Variants in ADPRHL1 observed in about 807,000 individuals in gnomAD.
The protein encoded by ADPRHL1 is inactive ADP-ribosyltransferase ARH2.
In ADPRHL1, 43 loss-of-function variants were observed where a neutral mutation model predicts 44.1. The observed-to-expected ratio is 0.98, with a 90% CI of 0.76 to 1.26. ADPRHL1 has a LOEUF of 1.26. Among genes scored for constraint, ADPRHL1 ranks in the 50% most tolerant of loss-of-function variants. The pLI is 0.00. For synonymous variants in ADPRHL1, 878 were observed against 1,017.4 expected, an observed-to-expected ratio of 0.86 and a Z score of 2.61; for missense variants, 2,022 against 2,496.9, an observed-to-expected ratio of 0.81 and a Z score of 4.05.
chr13:113,404,741 A>G lies in ADPRHL1; in HGVS notation c.4541T>C (p.Ile1514Thr). ...AQEQAQWQTQ[I>T]EAQGQAQEQA... ...TTCCTGTGCCTGCCCCTGGGCCTCTATCTGGGTCTGCCACTGGGCCTGTTC... is the reference window on the plus strand; with the variant it reads ...TTCCTGTGCCTGCCCCTGGGCCTCTGTCTGGGTCTGCCACTGGGCCTGTTC... Residue 1514 changes from isoleucine to threonine, a missense_variant, in exon 8 of 8, where the codon ATA (isoleucine) becomes ACA (threonine). By Grantham distance (89) the Ile-to-Thr change is moderately conservative. Around this residue, in one of 8 missense-constraint regions of ADPRHL1, gnomAD observed 1,221 missense variants for 1,517.8 expected, o/e 0.80. Transcript: ENST00000612156. The G allele has an allele frequency of 7.9e-7, 1 of 1,272,436 alleles. No individual in the cohort carries two copies. Among genetic ancestry groups the G allele is most frequent in the Non-Finnish European group, 9.9e-7 (1 of 1,014,670 alleles). The allele number at this position is 1,272,436 out of a possible 1,614,324, so 78.8% of individuals were successfully genotyped here.
intron 7 of ADPRHL1, among the ~76,000 whole-genome samples, chr13:113,416,882 T>C (rs1199648571): frequency 6.6e-6 from 1 of 152,180 alleles, no homozygotes; most frequent in Non-Finnish European, 1.5e-5. Context: ...CAGAAACAAT[T>C]GTGTGTGCGT....
rs2043814050 is a variant in ADPRHL1 at position 113,407,024 on chromosome 13, C to T, written c.2258G>A (p.Gly753Glu). The T allele has an allele frequency of 1.6e-6, 2 of 1,232,302 alleles. No homozygotes were observed. The highest frequency in any genetic ancestry group is 4.2e-5 in the Admixed American group (1 of 23,732). 76.3% of individuals were successfully genotyped at this position (1,232,302 alleles called of 1,614,324 possible). A position where few individuals can be genotyped will look rare whatever the true frequency, so the allele number is the denominator to read the frequency against. The change falls in exon 8 of 8, where the codon GGA becomes GAA. Residue 753 changes from glycine (G) to glutamate (E), a missense_variant. Physicochemically the swap from Gly to Glu is moderately conservative, Grantham distance 98. Transcript: ENST00000612156. ...GGCTCCCCTCACCTCCTGGACGCCT[C>T]CTGCGGTGCTCTCTGCGGTGGGGTC... ...TADPTAESTA[G>E]GVQEVRGARL...
At chr13:113,451,883 G>C (rs527894135) in intron 1 of ADPRHL1, among the ~76,000 whole-genome samples, 1 of 152,306 alleles carries the variant, frequency 6.6e-6, no homozygotes, top group East Asian at 1.9e-4. Context: ...CTGTTGGGCC[G>C]ATCTCCGTCG....
chr13:113,420,152 G>A (rs1479899864), intron 7 of ADPRHL1, among the ~76,000 whole-genome samples: 1 of 152,148 alleles, frequency 6.6e-6, no homozygotes. Context: ...AAACCTGCCG[G>A]TGCCGTTTTA....
chr13:113,429,771 C>T (rs2043994348), intron 3 of ADPRHL1, among the ~76,000 whole-genome samples: 2 of 152,212 alleles, frequency 1.3e-5, no homozygotes, highest in African/African-American at 4.8e-5. Flanking sequence ...GACTCACTCG[C>T]CCTGCTGGTG....
intron 7 of ADPRHL1, among the ~76,000 whole-genome samples, chr13:113,418,121 G>A (rs1169371576): frequency 1.3e-5 from 2 of 152,134 alleles, no homozygotes; most frequent in Admixed American, 6.6e-5. Context: ...TTTCGGATGC[G>A]TCGGGTTTAA....
At chr13:113,446,143 C>G (rs1372467874) in intron 1 of ADPRHL1, among the ~76,000 whole-genome samples, 4 of 141,986 alleles carry the variant, frequency 2.8e-5, no homozygotes, top group Non-Finnish European at 6.2e-5. Context: ...CCCCCTCCCC[C>G]CCAGAGAGCA....
intron 2 of ADPRHL1, among the ~76,000 whole-genome samples, chr13:113,435,204 CATAGGTGT>C: frequency 1.0e-4 from 2 of 19,286 alleles, no homozygotes; most frequent in South Asian, 4.6e-3. Context: ...GTAGAGTGAA[CATAGGTGT>C]ACCCCGGGAC....
At chr13:113,413,816 A>C (rs111782175) in intron 7 of ADPRHL1, among the ~76,000 whole-genome samples, 6 of 152,308 alleles carry the variant, frequency 3.9e-5, no homozygotes, top group African/African-American at 1.4e-4. Context: ...CAGAACCCAC[A>C]GGGAATGGAA....
intron 1 of ADPRHL1, among the ~76,000 whole-genome samples, chr13:113,447,136 AGTTGTATGTGCATGGCGTCTACACTCAC>A (rs1181756068): frequency 8.2e-6 from 1 of 122,178 alleles, no homozygotes; most frequent in African/African-American, 3.2e-5. Flanking sequence ...TCTACATGCA[AGTTGTATGTGCATGGCGTCTACACTCAC>A]GGTGTTGTGT....
At chr13:113,410,468 A>T (rs1420692079) in intron 7 of ADPRHL1, among the ~76,000 whole-genome samples, 1 of 152,212 alleles carries the variant, frequency 6.6e-6, no homozygotes, top group Non-Finnish European at 1.5e-5. Context: ...CCTGCCAAGG[A>T]TGAGACATTT....
chr13:113,452,907 A>G (rs1210963354), intron 1 of ADPRHL1, among the ~76,000 whole-genome samples: 2 of 152,210 alleles, frequency 1.3e-5, no homozygotes, highest in African/African-American at 4.8e-5. Context: ...CTTTAACTCT[A>G]TTAGAAACAG....
At chr13:113,437,317 C>A (rs1306599762) in intron 2 of ADPRHL1, among the ~76,000 whole-genome samples, 1 of 151,156 alleles carries the variant, frequency 6.6e-6, no homozygotes, top group East Asian at 2.0e-4. Flanking sequence ...AGGTGTACCC[C>A]ATGACCCAGC....
Position 113,411,527 on chromosome 13 carries a change from G to A in ADPRHL1, c.1062-3307C>T, listed in dbSNP as rs117237988. Among the ~76,000 whole-genome samples the A allele has an allele frequency of 2.2e-3, 336 of 152,348 alleles. 7 individuals carry two copies. The East Asian group carries it at 0.055, about 25-fold the overall frequency. On this transcript the variant is annotated intron_variant, in intron 7 of 7. Transcript: ENST00000612156. ...CATCAAGACCTGGCCAGCAACCAGC[G>A]GTGAGCGTGGAGGACGTACTTGGCC...
chr13:113,424,387 T>C lies in ADPRHL1; in HGVS notation c.775-38A>G, dbSNP rs150141456. On this transcript the variant is annotated intron_variant, in intron 5 of 7. Coordinates refer to ENST00000612156, the MANE Select transcript of ADPRHL1 (RefSeq NM_001394807.1). ...CCGTGGGTCGGGGCGTGTGCCCAAG[T>C]GGAGCCACTTCTGGGTATATTACAG... 2.5e-6 allele frequency: 4 copies of C among 1,611,708 alleles called. No individual in the cohort carries two copies. In the East Asian group the frequency reaches 8.9e-5, roughly 36 times the overall value.
intron 2 of ADPRHL1, among the ~76,000 whole-genome samples, chr13:113,442,573 T>A (rs2044106680): frequency 6.6e-6 from 1 of 152,252 alleles, no homozygotes. Context: ...CTGTCATTGT[T>A]ACTGTTGCTT....
rs867179613 is a variant in ADPRHL1, at chr13:113,409,854, A to G, written c.1062-1634T>C. ...CAGTGAGCCGAGATCGCACCACTGC[A>G]CTCCAGCCTGAGCGACAGAGCGAGA... On this transcript the variant is annotated intron_variant, in intron 7 of 7. Coordinates refer to ENST00000612156, the MANE Select transcript of ADPRHL1 (RefSeq NM_001394807.1). The surrounding 1 kb of genome is among the most constrained non-coding windows in gnomAD (Gnocchi z 4.2). The G allele has an allele frequency of 3.1e-5, 27 of 879,290 alleles. No homozygotes were observed. Among genetic ancestry groups the G allele is most frequent in the Middle Eastern group, 6.0e-4 (1 of 1,668 alleles). 54.5% of individuals were successfully genotyped at this position (879,290 alleles called of 1,614,324 possible).
Position 113,407,880 on chromosome 13 carries a change from C to T in ADPRHL1, c.1402G>A (p.Gly468Ser). 1 of 1,231,950 alleles carries T rather than the reference C, an allele frequency of 8.1e-7. No individual in the cohort carries two copies. The highest frequency in any genetic ancestry group is 1.0e-6 in the Non-Finnish European group (1 of 987,986). The allele number at this position is 1,231,950 out of a possible 1,614,324, so 76.3% of individuals were successfully genotyped here. A position where few individuals can be genotyped will look rare whatever the true frequency, so the allele number is the denominator to read the frequency against. Residue 468 changes from glycine (G) to serine (S), a missense_variant, in exon 8 of 8, where the codon GGT (glycine) becomes AGT (serine). This residue lies in a region of ADPRHL1 where 1,221 missense variants were observed against 1,517.8 expected (regional missense o/e 0.80). Coordinates refer to ENST00000612156, the MANE Select transcript of ADPRHL1 (RefSeq NM_001394807.1). The part of the protein sequence containing the change: ...DKQGPGGGLV[G>S]ATINKLLEKT... ...TCCAGGAGCTTGTTGATGGTGGCAC[C>T]CACGAGGCCCCCACCCGGCCCCTGC...
intron 7 of ADPRHL1, among the ~76,000 whole-genome samples, chr13:113,414,732 A>G (rs1250555953): frequency 6.7e-6 from 1 of 150,340 alleles, no homozygotes; most frequent in African/African-American, 2.5e-5. Context: ...CTGGAGTGCA[A>G]TGGCGTGATC....
Sources: gnomAD v4.1 joint callset for allele counts (sites outside exome capture counted in the v4.1 genomes callset) on GRCh38, gnomAD v4.1.1 for gene constraint, gnomAD v4.1.1 regional missense constraint, Gnocchi (gnomAD v3.1) non-coding constraint, MANE v1.5 for transcripts, NCBI Gene and HGNC (gene_info 2026-07-23, HGNC 2026-07-21) for gene names.